Variants in CNTN5 observed in about 807,000 individuals in gnomAD.
The protein encoded by CNTN5 is contactin 5.
A neutral mutation model predicts 129.1 loss-of-function variants in CNTN5; 77 were observed. That is an observed-to-expected ratio of 0.60 (90% CI 0.50 to 0.72). The LOEUF (loss-of-function observed/expected upper bound fraction) is 0.72. Ranked by LOEUF, CNTN5 falls within the 30% of genes least tolerant of loss-of-function variation. CNTN5 has a pLI of 0.00. For synonymous variants in CNTN5, 509 were observed against 465.6 expected (o/e 1.09, Z -1.20); for missense variants, 1,478 against 1,328.8 (o/e 1.11, Z -1.75).
chr11:99,749,927 A>C (rs1248829084), intron 3 of CNTN5, among the ~76,000 whole-genome samples: 1 of 152,252 alleles, frequency 6.6e-6, no homozygotes, highest in East Asian at 1.9e-4. Context: ...AAACAATGGG[A>C]TGTTGACTTT....
intron 9 of CNTN5, among the ~76,000 whole-genome samples, chr11:100,017,434 G>C (rs1034366481): frequency 1.3e-5 from 2 of 151,950 alleles, no homozygotes; most frequent in Non-Finnish European, 1.5e-5. Flanking sequence ...AATTGGCAGT[G>C]TTTTCTTTCT....
intron 9 of CNTN5, among the ~76,000 whole-genome samples, chr11:100,023,222 G>T (rs1465397924): frequency 6.6e-6 from 1 of 152,066 alleles, no homozygotes; most frequent in African/African-American, 2.4e-5. Flanking sequence ...CCTTTTGATA[G>T]ATTCTATTGC....
chr11:99,376,317 C>T (rs1401945767), intron 2 of CNTN5, among the ~76,000 whole-genome samples: 1 of 152,072 alleles, frequency 6.6e-6, no homozygotes, highest in Admixed American at 6.5e-5. Flanking sequence ...CTGAGGACCA[C>T]AATTCACTGA....
chr11:99,264,853 AT>A (rs1042314738), intron 1 of CNTN5, among the ~76,000 whole-genome samples: 10 of 151,970 alleles, frequency 6.6e-5, no homozygotes, highest in African/African-American at 2.4e-4. Context: ...ATTTATCTTC[AT>A]TTTTTTATGT....
chr11:99,485,285 G>C (rs920647472), intron 2 of CNTN5, among the ~76,000 whole-genome samples: 2 of 151,858 alleles, frequency 1.3e-5, no homozygotes, highest in Non-Finnish European at 2.9e-5. Flanking sequence ...AGTGGGGAGA[G>C]AGAGATAAAT....
intron 2 of CNTN5, among the ~76,000 whole-genome samples, chr11:99,495,052 C>T (rs538915029): frequency 2.6e-5 from 4 of 152,286 alleles, no homozygotes; most frequent in South Asian, 4.1e-4. Context: ...AATTACCACA[C>T]ATGTATCTCT....
intron 3 of CNTN5, among the ~76,000 whole-genome samples, chr11:99,670,059 T>C (rs1398698866): frequency 6.6e-6 from 1 of 152,204 alleles, no homozygotes; most frequent in Non-Finnish European, 1.5e-5. Context: ...TTAAATAGAA[T>C]TTTATTAATG....
At chr11:100,105,072 T>G (rs557599291) in intron 13 of CNTN5, among the ~76,000 whole-genome samples, 1 of 152,202 alleles carries the variant, frequency 6.6e-6, no homozygotes, top group East Asian at 1.9e-4. Flanking sequence ...CGCATCGCAA[T>G]TGGAAATGTA....
intron 2 of CNTN5, among the ~76,000 whole-genome samples, chr11:99,387,061 G>A (rs1210547447): frequency 6.6e-6 from 1 of 151,974 alleles, no homozygotes; most frequent in Non-Finnish European, 1.5e-5. Flanking sequence ...TTAGATATAT[G>A]TTATCTCCCA....
chr11:100,296,092 A>G lies in CNTN5; in HGVS notation c.2315-1533A>G, dbSNP rs544370429. On this transcript the variant is annotated intron_variant, in intron 18 of 24. Coordinates refer to ENST00000524871, the MANE Select transcript of CNTN5 (RefSeq NM_014361.4). ...AAAAAGGCAATGTTTGAAAATTTGGATCCCTGTCCTTTTACATATACAGTT... is the reference window on the plus strand; with the variant it reads ...AAAAAGGCAATGTTTGAAAATTTGGGTCCCTGTCCTTTTACATATACAGTT... Among the ~76,000 whole-genome samples, 6 of 151,610 alleles carry G rather than the reference A, an allele frequency of 4.0e-5. No homozygotes were observed. The South Asian group carries it at 1.2e-3, about 31-fold the overall frequency.
intron 1 of CNTN5, among the ~76,000 whole-genome samples, chr11:99,164,807 GTGAAACATGCATATATTGTA>G (rs1860798806): frequency 6.6e-6 from 1 of 152,158 alleles, no homozygotes; most frequent in Non-Finnish European, 1.5e-5. Context: ...GCATGTGTGT[GTGAAACATGCATATATTGTA>G]TGTTTGGTAC....
intron 13 of CNTN5, among the ~76,000 whole-genome samples, chr11:100,108,820 C>T (rs1428248666): frequency 6.6e-6 from 1 of 151,796 alleles, no homozygotes; most frequent in Non-Finnish European, 1.5e-5. Context: ...ACAACTGTAT[C>T]TAGTATATAT....
chr11:100,087,277 T>G (rs1565227514), intron 13 of CNTN5, among the ~76,000 whole-genome samples: 1 of 151,726 alleles, frequency 6.6e-6, no homozygotes, highest in Non-Finnish European at 1.5e-5. Context: ...TATTTCAAAT[T>G]GACTCAAGAA....
At chr11:100,078,035 TTAACTC>T (rs1445906452) in intron 13 of CNTN5, among the ~76,000 whole-genome samples, 138 of 152,230 alleles carry the variant, frequency 9.1e-4, no homozygotes, top group African/African-American at 3.3e-3. Context: ...TTACTTAAAT[TTAACTC>T]TAAATTGTAA....
At chr11:99,903,874 C>A (rs61911645) in intron 6 of CNTN5, among the ~76,000 whole-genome samples, 1 of 151,910 alleles carries the variant, frequency 6.6e-6, no homozygotes, top group African/African-American at 2.4e-5. Context: ...GAATAGATAC[C>A]TATCAAAACA....
intron 3 of CNTN5, among the ~76,000 whole-genome samples, chr11:99,750,518 C>T (rs1429336157): frequency 6.6e-6 from 1 of 150,390 alleles, no homozygotes; most frequent in Admixed American, 6.7e-5. Context: ...TCCTTTCTAT[C>T]TGAGAGCTAA....
intron 18 of CNTN5, among the ~76,000 whole-genome samples, chr11:100,285,457 C>T (rs1233402985): frequency 1.3e-5 from 2 of 152,196 alleles, no homozygotes; most frequent in African/African-American, 4.8e-5. Flanking sequence ...CCTTCTAAAT[C>T]ATCCTTGCAA....
intron 2 of CNTN5, among the ~76,000 whole-genome samples, chr11:99,433,091 A>G (rs138254109): frequency 9.9e-4 from 151 of 151,956 alleles, no homozygotes; most frequent in Non-Finnish European, 1.7e-3. Flanking sequence ...AGAGGATGGA[A>G]ATCTGAAATT....
Position 99,180,858 on chromosome 11 carries a change from C to T in CNTN5, c.-209-144488C>T, listed in dbSNP as rs74788495. On this transcript the variant is annotated intron_variant, in intron 1 of 24. Transcript: ENST00000524871. ...AGGAGAGTCATATTGTGAGAATTGC[C>T]AGTGATATACACATAAGATTCAATA... Among the ~76,000 whole-genome samples the T allele has an allele frequency of 7.8e-3, 1,190 of 152,268 alleles. 18 individuals carry two copies. The highest frequency in any genetic ancestry group is 0.026 in the African/African-American group (1,080 of 41,574).
Sources: gnomAD v4.1 joint callset for allele counts (sites outside exome capture counted in the v4.1 genomes callset) on GRCh38, gnomAD v4.1.1 for gene constraint, MANE v1.5 for transcripts, NCBI Gene and HGNC (gene_info 2026-07-23, HGNC 2026-07-21) for gene names.